CPLANE1: variants seen among roughly 807,000 people sequenced by gnomAD.
CPLANE1 encodes the protein ciliogenesis and planar polarity effector complex subunit 1.
CPLANE1 carries 263 observed loss-of-function variants against 362.5 expected under a neutral mutation model. The ratio of observed to expected loss-of-function variants is 0.73; its 90% CI spans 0.66 to 0.80. CPLANE1 has a LOEUF of 0.80. Ranked by LOEUF, CPLANE1 falls within the 30% of genes least tolerant of loss-of-function variation. The pLI is 0.00. For missense variants in CPLANE1, 3,461 were observed against 3,793.4 expected, an observed-to-expected ratio of 0.91 and a Z score of 2.30; for synonymous variants, 1,212 against 1,302.6, an observed-to-expected ratio of 0.93 and a Z score of 1.50.
chr5:37,242,074 G>A (rs1292950635), intron 6 of CPLANE1, among the ~76,000 whole-genome samples: 2 of 151,906 alleles, frequency 1.3e-5, no homozygotes, highest in Admixed American at 6.6e-5. Context: ...GCATATTTTC[G>A]GCTGGGTGAG....
intron 51 of CPLANE1, among the ~76,000 whole-genome samples, chr5:37,114,467 G>A (rs1047501007): frequency 7.2e-5 from 11 of 152,146 alleles, no homozygotes; most frequent in East Asian, 3.8e-4. Flanking sequence ...AGAAATTTGC[G>A]TAAGGTTACA....
At chr5:37,240,640 G>C (rs1027476874) in intron 6 of CPLANE1, among the ~76,000 whole-genome samples, 1 of 152,154 alleles carries the variant, frequency 6.6e-6, no homozygotes, top group African/African-American at 2.4e-5. Context: ...CCTTGACCCA[G>C]ACATCTCCAA....
chr5:37,110,844 GT>G (rs1225115816), intron 51 of CPLANE1, among the ~76,000 whole-genome samples: 1 of 124,844 alleles, frequency 8.0e-6, no homozygotes, highest in Non-Finnish European at 1.6e-5. Flanking sequence ...GTCTCACTCT[GT>G]CGCCCAGGCT....
At chr5:37,193,599 G>A (rs758165614) in intron 21 of CPLANE1, among the ~76,000 whole-genome samples, 33 of 151,554 alleles carry the variant, frequency 2.2e-4, no homozygotes, top group Non-Finnish European at 4.3e-4. Flanking sequence ...AGGTTACAGT[G>A]AGCCGAGATT....
chr5:37,190,616 C>A (rs1402876750), intron 21 of CPLANE1, among the ~76,000 whole-genome samples: 3 of 151,894 alleles, frequency 2.0e-5, no homozygotes, highest in Non-Finnish European at 4.4e-5. Flanking sequence ...TTTAAAAAAA[C>A]TATAGAAAAG....
At chr5:37,148,323 TAACA>T (rs1374367871) in intron 42 of CPLANE1, 55 bp from the exon 43 acceptor site, 15 of 1,283,980 alleles carry the variant, frequency 1.2e-5, no homozygotes, top group Middle Eastern at 1.9e-4. Flanking sequence ...AATTTCAAAA[TAACA>T]AACAGTTTTA....
chr5:37,178,496 C>A (rs1240771645), intron 29 of CPLANE1, among the ~76,000 whole-genome samples: 1 of 150,206 alleles, frequency 6.7e-6, no homozygotes, highest in African/African-American at 2.4e-5. Flanking sequence ...ATAGTAAGAC[C>A]CAGCTACTTG....
At position 37,120,321 on chromosome 5, in the gene CPLANE1, T is replaced by C. The variant is rs1366020937; in HGVS notation, c.9205A>G (p.Ser3069Gly). 5.0e-6 allele frequency: 8 copies of C among 1,586,910 alleles called. No homozygotes were observed. Among genetic ancestry groups the C allele is most frequent in the African/African-American group, 1.4e-5 (1 of 73,204 alleles). The change falls in exon 50 of 53, where the codon AGT becomes GGT. Residue 3069 changes from serine (S) to glycine (G), a missense_variant. This residue lies in a region of CPLANE1 where 3,380 missense variants were observed against 3,666.1 expected (regional missense o/e 0.92). Transcript: ENST00000651892. The part of the protein sequence containing the change: ...SPRGENQHGH[S>G]FLINRPGKVK... ...TTTCCAGGTCGATTTATTAGAAAACTGTGACCATGTTGATTCTCTCTATAG... is the reference window on the plus strand; with the variant it reads ...TTTCCAGGTCGATTTATTAGAAAACCGTGACCATGTTGATTCTCTCTATAG...
At position 37,182,771 on chromosome 5, in the gene CPLANE1, C is replaced by A. The variant is rs181490574; in HGVS notation, c.5410G>T (p.Ala1804Ser). Residue 1804 changes from alanine to serine, a missense_variant, in exon 26 of 53, where the codon GCC (alanine) becomes TCC (serine). By Grantham distance (99) the Ala-to-Ser change is moderately conservative. This residue lies in a region of CPLANE1 where 3,380 missense variants were observed against 3,666.1 expected (regional missense o/e 0.92). Coordinates refer to ENST00000651892, the MANE Select transcript of CPLANE1 (RefSeq NM_001384732.1). ...PYFATYKAKN[A>S]IIKMVENRDT... ...ATTGATATGCTTACCTTAATAATGGCATTTTTTGCCTTATATGTAGCAAAA... is the reference window on the plus strand; with the variant it reads ...ATTGATATGCTTACCTTAATAATGGAATTTTTTGCCTTATATGTAGCAAAA... The A allele has an allele frequency of 2.1e-5, 34 of 1,602,180 alleles. No homozygotes were observed. In the East Asian group the frequency reaches 7.4e-4, roughly 35 times the overall value.
intron 6 of CPLANE1, 46 bp downstream of exon 6, chr5:37,242,967 G>GA (rs749571083): frequency 9.5e-4 from 1,287 of 1,353,954 alleles, no homozygotes; most frequent in South Asian, 1.2e-3. Context: ...GCCTCCAAAA[G>GA]AAAAAAAAAT....
intron 30 of CPLANE1, 151 bp from the exon 31 acceptor site, chr5:37,176,137 C>G: frequency 1.8e-6 from 1 of 547,946 alleles, no homozygotes; most frequent in East Asian, 2.9e-5. Context: ...TTACATTTGT[C>G]TCCATAGCAA....
At chr5:37,232,521 GAAAA>G (rs36033877) in intron 8 of CPLANE1, among the ~76,000 whole-genome samples, 4 of 119,500 alleles carry the variant, frequency 3.3e-5, no homozygotes, top group East Asian at 2.6e-4. Flanking sequence ...CATCTTGGGG[GAAAA>G]AAAAAAAAAA....
At chr5:37,099,358 C>T in the CPLANE1 span, among the ~76,000 whole-genome samples, 9 of 152,170 alleles carry the variant, frequency 5.9e-5, no homozygotes, top group Non-Finnish European at 1.0e-4. Context: ...GTGTTCTCAT[C>T]ATTCAGCTCC....
the CPLANE1 span, among the ~76,000 whole-genome samples, chr5:37,080,885 G>T: frequency 6.6e-6 from 1 of 152,182 alleles, no homozygotes; most frequent in Admixed American, 6.5e-5. Context: ...ATTAGACTCA[G>T]AATAAACCTG....
At chr5:37,224,814 T>A in intron 12 of CPLANE1, 74 bp from the exon 13 acceptor site, 2 of 402,222 alleles carry the variant, frequency 5.0e-6, no homozygotes, top group East Asian at 7.4e-5. Flanking sequence ...TTTTAGCCTA[T>A]TTTTTTTTTT....
At position 37,211,189 on chromosome 5, in the gene CPLANE1, C is replaced by A. The variant is rs1792493200; in HGVS notation, c.2920+2370G>T. 7 of 1,393,278 alleles carry A rather than the reference C, an allele frequency of 5.0e-6. No individual in the cohort carries two copies. The Admixed American group carries it at 8.4e-5, about 17-fold the overall frequency. The allele number at this position is 1,393,278 out of a possible 1,614,324, so 86.3% of individuals were successfully genotyped here. ...GCAGGTACGGTTGCATCAAGGATCA[C>A]AAATTATCCAAATGCAGGGATGGAG... On this transcript the variant is annotated intron_variant, in intron 16 of 52. Transcript: ENST00000651892.
chr5:37,170,317 G>A lies in CPLANE1; in HGVS notation c.6186C>T (p.Asn2062=). 6.2e-7 allele frequency: 1 copy of A among 1,612,632 alleles called. No individual in the cohort carries two copies. The highest frequency in any genetic ancestry group is 8.5e-7 in the Non-Finnish European group (1 of 1,178,876). ...MFKLVQLQQI[N]FMSLMQIVGS... ...CTACTATTTGCATTAGGCTCATGAA[G>A]TTGATCTGTTGCAGCTTGAATAAAA... The change falls in exon 33 of 53, where the codon AAC becomes AAT. Residue 2062 remains asparagine (N), a synonymous_variant. Transcript: ENST00000651892.
In CPLANE1 at chr5:37,183,605, C is replaced by G; in HGVS notation, c.4576G>C (p.Asp1526His). 3 of 1,612,436 alleles carry G rather than the reference C, an allele frequency of 1.9e-6. No homozygotes were observed. The highest frequency in any genetic ancestry group is 1.7e-6 in the Non-Finnish European group (2 of 1,179,218). ...GTATTTTGTGATAACTTTTCATGAT[C>G]TTCTTTCTTTGTAGGATTTTCTTTC... ...NQKENPTKKE[D>H]HEKLSQNTLP... Residue 1526 changes from aspartate (D) to histidine (H), a missense_variant, in exon 26 of 53, where the codon GAT becomes CAT. This residue lies in a region of CPLANE1 where 3,380 missense variants were observed against 3,666.1 expected (regional missense o/e 0.92). Transcript: ENST00000651892.
the CPLANE1 span, chr5:37,085,372 G>C: frequency 1.5e-6 from 2 of 1,349,680 alleles, no homozygotes; most frequent in Non-Finnish European, 2.1e-6. Context: ...GACACCAAGG[G>C]TCGCTTTGCT....
Sources: gnomAD v4.1 joint callset for allele counts (sites outside exome capture counted in the v4.1 genomes callset) on GRCh38, gnomAD v4.1.1 for gene constraint, gnomAD v4.1.1 regional missense constraint, MANE v1.5 for transcripts, NCBI Gene and HGNC (gene_info 2026-07-23, HGNC 2026-07-21) for gene names.